Variants in MLXIP observed in about 807,000 individuals in gnomAD.
MLXIP encodes MLX-interacting protein.
A neutral mutation model predicts 87.2 loss-of-function variants in MLXIP; 30 were observed. The observed-to-expected ratio is 0.34, with a 90% confidence interval of 0.26 to 0.47. MLXIP has a LOEUF of 0.47. Among genes scored for constraint, MLXIP ranks in the 20% least tolerant of loss-of-function variants. MLXIP has a pLI of 1.00. For missense variants in MLXIP, 1,002 were observed against 1,240.1 expected, an observed-to-expected ratio of 0.81 and a Z score of 2.88; for synonymous variants, 530 against 514.0, an observed-to-expected ratio of 1.03 and a Z score of -0.42.
At chr12:122,080,304 G>C (rs1393300930) in intron 1 of MLXIP, among the ~76,000 whole-genome samples, 2 of 152,170 alleles carry the variant, frequency 1.3e-5, no homozygotes, top group Non-Finnish European at 2.9e-5. Flanking sequence ...AGCGGGGGCT[G>C]TCTTAGGTCT....
In MLXIP at chr12:122,138,887, G is replaced by C; in HGVS notation, c.2457G>C (p.Met819Ile). The C allele has an allele frequency of 6.2e-7, 1 of 1,614,074 alleles. No homozygotes were observed. The highest frequency in any genetic ancestry group is 1.1e-5 in the South Asian group (1 of 91,084). Residue 819 changes from methionine (M) to isoleucine (I), a missense_variant, in exon 15 of 17, where the codon ATG (methionine) becomes ATC (isoleucine). This residue lies in a region of MLXIP where 746 missense variants were observed against 897.0 expected (regional missense o/e 0.83). Coordinates refer to ENST00000319080, the MANE Select transcript of MLXIP (RefSeq NM_014938.6). ...GCCAGTTTGATCACATGAAAGACAT[G>C]TTTGACGAATACGTGAAAACCCGGA... ...TRRQFDHMKD[M>I]FDEYVKTRTL...
rs1047796 is a variant in MLXIP at position 122,143,672 on chromosome 12, T to C, written c.*1860T>C. 74,917 of 152,090 alleles carry C rather than the reference T, an allele frequency of 0.49. 18,942 individuals are homozygous for C. Among genetic ancestry groups the C allele is most frequent in the Admixed American group, 0.56 (8,581 of 15,286 alleles). 9.4% of individuals were successfully genotyped at this position (152,090 alleles called of 1,614,324 possible). A position where few individuals can be genotyped will look rare whatever the true frequency, so the allele number is the denominator to read the frequency against. The stretch of plus-strand genomic sequence containing the variant: ...CGTGAGTGCAGCCCCTCTCTACTTC[T>C]GTGCCTTTGTAAAACGTGTAGATAA... On this transcript the variant is annotated 3_prime_UTR_variant, in exon 17 of 17. Coordinates refer to ENST00000319080, the MANE Select transcript of MLXIP (RefSeq NM_014938.6).
At chr12:122,139,176 G>A (rs969487481) in intron 15 of MLXIP, among the ~76,000 whole-genome samples, 1 of 152,148 alleles carries the variant, frequency 6.6e-6, no homozygotes, top group African/African-American at 2.4e-5. Flanking sequence ...AGGTAGAACG[G>A]TGGGCTTCGC....
chr12:122,093,626 TG>T (rs1952286527), intron 1 of MLXIP, among the ~76,000 whole-genome samples: 1 of 138,932 alleles, frequency 7.2e-6, no homozygotes, highest in South Asian at 2.6e-4. Context: ...GTGTGGTGTG[TG>T]TGTTGGTGTG....
chr12:122,133,515 G>A lies in MLXIP; in HGVS notation c.1260G>A (p.Pro420=), dbSNP rs368730165. The A allele has an allele frequency of 4.5e-5, 73 of 1,610,986 alleles. No homozygotes were observed. Among genetic ancestry groups the A allele is most frequent in the Admixed American group, 6.7e-5 (4 of 59,672 alleles). ...IQPTDFGPSE[P]PLSVPQPFLP... ...CCACGGACTTCGGTCCCTCAGAGCCGCCACTGAGTGTCCCGCAGCCCTTCC... is the reference window on the plus strand; with the variant it reads ...CCACGGACTTCGGTCCCTCAGAGCCACCACTGAGTGTCCCGCAGCCCTTCC... Residue 420 remains proline (P), a synonymous_variant, in exon 9 of 17, where the codon CCG becomes CCA. Coordinates refer to ENST00000319080, the MANE Select transcript of MLXIP (RefSeq NM_014938.6). The surrounding 1 kb of genome is among the most constrained non-coding windows in gnomAD (Gnocchi z 4.9).
intron 1 of MLXIP, among the ~76,000 whole-genome samples, chr12:122,083,406 G>A (rs1952119794): frequency 6.6e-6 from 1 of 151,910 alleles, no homozygotes; most frequent in African/African-American, 2.4e-5. Flanking sequence ...GCTTTGTATA[G>A]TAACCCTTCA....
chr12:122,111,312 C>A (rs1444176745), intron 1 of MLXIP, among the ~76,000 whole-genome samples: 1 of 152,108 alleles, frequency 6.6e-6, no homozygotes, highest in Admixed American at 6.6e-5. Flanking sequence ...TCTCTGGTAG[C>A]CAATTTCTAG....
Position 122,135,883 on chromosome 12 carries a change from A to G in MLXIP, c.2032+217A>G. On this transcript the variant is annotated intron_variant, in intron 11 of 16. Coordinates refer to ENST00000319080, the MANE Select transcript of MLXIP (RefSeq NM_014938.6). This position sits in a 1 kb window ranked among gnomAD's most constrained non-coding sequence, Gnocchi z 5.3. ...ACTGGCAGGGCAAAAAGTAGTGAAC[A>G]TGTGGCAGTGTAGGTGACCCGTGTG... 1 of 578,360 alleles carries G rather than the reference A, an allele frequency of 1.7e-6. No homozygotes were observed. Among genetic ancestry groups the G allele is most frequent in the South Asian group, 2.5e-5 (1 of 39,672 alleles). 35.8% of individuals were successfully genotyped at this position (578,360 alleles called of 1,614,324 possible).
At chr12:122,097,846 T>TCC (rs571780667) in intron 1 of MLXIP, among the ~76,000 whole-genome samples, 2,793 of 150,206 alleles carry the variant, frequency 0.019, 43 homozygotes, top group South Asian at 0.045. Context: ...ATCCATGGGT[T>TCC]CCCCCTCCCC....
chr12:122,119,593 G>A (rs111287971), intron 1 of MLXIP, among the ~76,000 whole-genome samples: 4,559 of 152,142 alleles, frequency 0.03, 212 homozygotes, highest in African/African-American at 0.1. Flanking sequence ...GGGTTTCACC[G>A]TGTTAGCCAG....
rs754880774 is a variant in MLXIP at position 122,134,030 on chromosome 12, C to T, written c.1732+43C>T. 9.8e-6 allele frequency: 15 copies of T among 1,534,126 alleles called. No homozygotes were observed. In the East Asian group the frequency reaches 3.1e-4, roughly 32 times the overall value. On this transcript the variant is annotated intron_variant, in intron 9 of 16. Transcript: ENST00000319080. ...ACTCAGTGCGGGGCTCCCCCCGACC[C>T]AGAGGGATGTTTTCCCATCCCAAAG...
Position 122,141,024 on chromosome 12 carries a change from T to C in MLXIP, c.2579T>C (p.Leu860Pro). ...GMVSTSSLEE[L>P]HRTALSWLDQ... ...GTGTCCACCAGCAGCCTGGAGGAGC[T>C]GCACCGGACGGCGCTCTCCTGGCTG... Residue 860 changes from leucine to proline, a missense_variant, in exon 16 of 17, where the codon CTG (leucine) becomes CCG (proline). By Grantham distance (98) the Leu-to-Pro change is moderately conservative. Coordinates refer to ENST00000319080, the MANE Select transcript of MLXIP (RefSeq NM_014938.6). 1 of 1,613,926 alleles carries C rather than the reference T, an allele frequency of 6.2e-7. No homozygotes were observed. Among genetic ancestry groups the C allele is most frequent in the Non-Finnish European group, 8.5e-7 (1 of 1,179,906 alleles).
Position 122,141,773 on chromosome 12 carries a change from G to A in MLXIP, c.2721G>A (p.Lys907=), listed in dbSNP as rs1268728996. The A allele has an allele frequency of 6.2e-7, 1 of 1,613,904 alleles. No homozygotes were observed. Among genetic ancestry groups the A allele is most frequent in the Admixed American group, 1.7e-5 (1 of 60,032 alleles). ...CACAGCTGCCAGAGCAGGCGTCCAAGGCTGTCACCAGGATTGGCAAGAGAT... is the reference window on the plus strand; with the variant it reads ...CACAGCTGCCAGAGCAGGCGTCCAAAGCTGTCACCAGGATTGGCAAGAGAT... ...DPAQLPEQAS[K]AVTRIGKRLG... The change falls in exon 17 of 17, where the codon AAG becomes AAA. Residue 907 remains lysine, a synonymous_variant. Coordinates refer to ENST00000319080, the MANE Select transcript of MLXIP (RefSeq NM_014938.6).
intron 1 of MLXIP, among the ~76,000 whole-genome samples, chr12:122,092,023 A>G (rs1241739541): frequency 1.3e-5 from 2 of 152,210 alleles, no homozygotes; most frequent in East Asian, 3.8e-4. Context: ...GCTGTTTGCC[A>G]CAGAACGGCT....
Position 122,131,180 on chromosome 12 carries a change from C to G in MLXIP, c.1000+247C>G, listed in dbSNP as rs1035918816. Among the ~76,000 whole-genome samples, 9 of 152,102 alleles carry G rather than the reference C, an allele frequency of 5.9e-5. No individual in the cohort carries two copies. The South Asian group carries it at 8.3e-4, about 14-fold the overall frequency. On this transcript the variant is annotated intron_variant, in intron 7 of 16. Coordinates refer to ENST00000319080, the MANE Select transcript of MLXIP (RefSeq NM_014938.6). ...GACTGTAAGCAGTTCTCCCTCGAAG[C>G]AGCAGAGGGCACTGATGACACAGCC...
intron 1 of MLXIP, among the ~76,000 whole-genome samples, chr12:122,083,806 A>G (rs926915990): frequency 6.6e-6 from 1 of 152,210 alleles, no homozygotes; most frequent in African/African-American, 2.4e-5. Context: ...CAAACTTTGA[A>G]TTTTCAGTAG....
At chr12:122,113,577 AT>A (rs1188522951) in intron 1 of MLXIP, among the ~76,000 whole-genome samples, 1 of 147,574 alleles carries the variant, frequency 6.8e-6, no homozygotes, top group African/African-American at 2.5e-5. Flanking sequence ...CTATTTATAT[AT>A]TTTTATCTTT....
At chr12:122,119,037 C>T (rs564246652) in intron 1 of MLXIP, among the ~76,000 whole-genome samples, 55 of 151,622 alleles carry the variant, frequency 3.6e-4, no homozygotes, top group South Asian at 8.4e-4. Flanking sequence ...ATGGTGGCGG[C>T]GGGCATCTGT....
chr12:122,106,595 CTTTTTTTTTTTT>C (rs1162475087), intron 1 of MLXIP, among the ~76,000 whole-genome samples: 6 of 62,884 alleles, frequency 9.5e-5, no homozygotes, highest in South Asian at 7.1e-4. Context: ...ATCGCAGGTT[CTTTTTTTTTTTT>C]TTTTTTTTTT....
Sources: gnomAD v4.1 joint callset for allele counts (sites outside exome capture counted in the v4.1 genomes callset) on GRCh38, gnomAD v4.1.1 for gene constraint, gnomAD v4.1.1 regional missense constraint, Gnocchi (gnomAD v3.1) non-coding constraint, MANE v1.5 for transcripts, NCBI Gene and HGNC (gene_info 2026-07-23, HGNC 2026-07-21) for gene names.